Variants in GALNT13 observed in about 807,000 individuals in gnomAD.
GALNT13 encodes the protein UDP-GalNAc:polypeptide N-acetylgalactosaminyltransferase 13.
GALNT13 carries 28 observed loss-of-function variants against 64.2 expected under a neutral mutation model. The ratio of observed to expected loss-of-function variants is 0.44; its 90% CI spans 0.32 to 0.60. The LOEUF (loss-of-function observed/expected upper bound fraction) is 0.60. Among genes scored for constraint, GALNT13 ranks in the 20% least tolerant of loss-of-function variants. The probability of loss-of-function intolerance (pLI) is 0.05; values close to 1 mark genes in which losing one functional copy is unlikely to be tolerated. For synonymous variants in GALNT13, 214 were observed against 224.6 expected (o/e 0.95, Z 0.42); for missense variants, 577 against 669.8 (o/e 0.86, Z 1.53).
chr2:154,270,938 A>C (rs2105922149), intron 8 of GALNT13, among the ~76,000 whole-genome samples: 1 of 152,022 alleles, frequency 6.6e-6, no homozygotes, highest in South Asian at 2.1e-4. Context: ...TTTTTCTGTA[A>C]ATAAAACGTA....
chr2:153,820,769 T>A, the GALNT13 span, among the ~76,000 whole-genome samples: 1 of 152,080 alleles, frequency 6.6e-6, no homozygotes, highest in Non-Finnish European at 1.5e-5. Flanking sequence ...CACACTTAAG[T>A]ATATAGCCAA....
At chr2:154,151,399 A>G (rs1322623058) in intron 4 of GALNT13, among the ~76,000 whole-genome samples, 1 of 152,128 alleles carries the variant, frequency 6.6e-6, no homozygotes, top group South Asian at 2.1e-4. Flanking sequence ...AAAAAAATGT[A>G]TATTCTGTTG....
the GALNT13 span, among the ~76,000 whole-genome samples, chr2:153,794,138 T>G: frequency 6.6e-6 from 1 of 152,184 alleles, no homozygotes; most frequent in Admixed American, 6.5e-5. Flanking sequence ...ATCTTGAAAT[T>G]CAAAACTATT....
the GALNT13 span, chr2:153,478,182 G>C: frequency 5.6e-6 from 8 of 1,441,188 alleles, no homozygotes; most frequent in Middle Eastern, 3.6e-4. Flanking sequence ...GGGCACAGCC[G>C]GGCTAGCAAA....
At chr2:153,125,466 G>T in the GALNT13 span, among the ~76,000 whole-genome samples, 1 of 152,192 alleles carries the variant, frequency 6.6e-6, no homozygotes, top group Non-Finnish European at 1.5e-5. Context: ...GTCTGAGAGC[G>T]TTAATGGAAG....
At chr2:154,113,817 G>A (rs965837203) in intron 3 of GALNT13, among the ~76,000 whole-genome samples, 1 of 152,238 alleles carries the variant, frequency 6.6e-6, no homozygotes, top group Non-Finnish European at 1.5e-5. Flanking sequence ...GACAGTAAAG[G>A]TGCATTGCTG....
intron 9 of GALNT13, among the ~76,000 whole-genome samples, chr2:154,307,473 A>G (rs1693801510): frequency 6.6e-6 from 1 of 152,224 alleles, no homozygotes; most frequent in Non-Finnish European, 1.5e-5. Context: ...AATATCTACT[A>G]TATATCCTAA....
intron 3 of GALNT13, among the ~76,000 whole-genome samples, chr2:154,123,390 C>T (rs1364682307): frequency 6.6e-6 from 1 of 151,620 alleles, no homozygotes; most frequent in East Asian, 1.9e-4. Flanking sequence ...CTAGGGTGAC[C>T]CTCAAATATT....
intron 11 of GALNT13, among the ~76,000 whole-genome samples, chr2:154,420,640 T>C (rs1700209178): frequency 6.6e-6 from 1 of 152,124 alleles, no homozygotes; most frequent in South Asian, 2.1e-4. Context: ...TCTTTCGAAA[T>C]ACTCTTCTAT....
At chr2:153,837,906 C>A in the GALNT13 span, among the ~76,000 whole-genome samples, 1 of 151,884 alleles carries the variant, frequency 6.6e-6, no homozygotes, top group African/African-American at 2.4e-5. Context: ...CAAGTGTTTC[C>A]TTTTCTCCAA....
the GALNT13 span, among the ~76,000 whole-genome samples, chr2:153,565,240 G>A: frequency 9.2e-5 from 14 of 152,252 alleles, no homozygotes; most frequent in South Asian, 4.1e-4. Flanking sequence ...GTGAAGGTGC[G>A]GGGAGAGGGG....
chr2:153,116,135 A>G, the GALNT13 span, among the ~76,000 whole-genome samples: 1 of 152,210 alleles, frequency 6.6e-6, no homozygotes, highest in East Asian at 1.9e-4. Context: ...AAGCCAATCT[A>G]AATTGGGTTT....
intron 3 of GALNT13, among the ~76,000 whole-genome samples, chr2:153,997,528 C>A (rs527556991): frequency 5.3e-5 from 8 of 151,912 alleles, no homozygotes; most frequent in Non-Finnish European, 1.0e-4. Context: ...TATTTTGTAC[C>A]CTGCAACTTT....
At chr2:153,352,248 A>G in the GALNT13 span, among the ~76,000 whole-genome samples, 1 of 152,242 alleles carries the variant, frequency 6.6e-6, no homozygotes, top group African/African-American at 2.4e-5. Context: ...TGCCATCTGT[A>G]TATCTTCTTA....
intron 3 of GALNT13, among the ~76,000 whole-genome samples, chr2:154,107,604 AG>A (rs1702695354): frequency 1.3e-5 from 2 of 151,246 alleles, no homozygotes; most frequent in South Asian, 2.1e-4. Context: ...AAAAAAAAAA[AG>A]AAAGAAAAGA....
chr2:153,995,630 C>T (rs1181473953), intron 3 of GALNT13, among the ~76,000 whole-genome samples: 1 of 151,944 alleles, frequency 6.6e-6, no homozygotes, highest in Non-Finnish European at 1.5e-5. Flanking sequence ...TTTGATCTAT[C>T]CCTCAATGTC....
the GALNT13 span, among the ~76,000 whole-genome samples, chr2:153,851,221 C>A: frequency 4.5e-4 from 69 of 152,142 alleles, no homozygotes; most frequent in African/African-American, 1.5e-3. Context: ...TTGTCAGCAA[C>A]AATTCAAGCC....
At chr2:154,119,348 C>T (rs1213018147) in intron 3 of GALNT13, among the ~76,000 whole-genome samples, 1 of 152,104 alleles carries the variant, frequency 6.6e-6, no homozygotes, top group Non-Finnish European at 1.5e-5. Context: ...TTGTTTCTTG[C>T]TACTCTCAGA....
the GALNT13 span, among the ~76,000 whole-genome samples, chr2:153,329,536 G>A: frequency 0.61 from 92,295 of 151,968 alleles, 28,806 homozygotes; most frequent in Non-Finnish European, 0.67. Context: ...ACTGATGCTG[G>A]ACATTTTTTC....
Sources: gnomAD v4.1 joint callset for allele counts (sites outside exome capture counted in the v4.1 genomes callset) on GRCh38, gnomAD v4.1.1 for gene constraint, MANE v1.5 for transcripts, NCBI Gene and HGNC (gene_info 2026-07-23, HGNC 2026-07-21) for gene names.